The following CRYBG3 variants were observed in gnomAD, a reference collection of about 807,000 sequenced individuals.
CRYBG3 encodes crystallin beta-gamma domain containing 3.
A neutral mutation model predicts 244.2 loss-of-function variants in CRYBG3; 127 were observed. The observed-to-expected ratio is 0.52, with a 90% CI of 0.45 to 0.60. CRYBG3 has a LOEUF of 0.60. Ranked by LOEUF, CRYBG3 falls within the 20% of genes least tolerant of loss-of-function variation. CRYBG3 has a pLI of 0.00. For synonymous variants in CRYBG3, 1,132 were observed against 1,195.8 expected (o/e 0.95, Z 1.10); for missense variants, 3,325 against 3,442.5 (o/e 0.97, Z 0.85).
intron 1 of CRYBG3, among the ~76,000 whole-genome samples, chr3:97,827,339 A>G (rs2038591757): frequency 6.6e-6 from 1 of 152,200 alleles, no homozygotes; most frequent in African/African-American, 2.4e-5. Flanking sequence ...ACCCTCCCCA[A>G]CCTTCAAGTA....
At chr3:97,913,337 A>T (rs1367656652) in intron 16 of CRYBG3, among the ~76,000 whole-genome samples, 2 of 151,976 alleles carry the variant, frequency 1.3e-5, no homozygotes, top group Admixed American at 6.6e-5. Context: ...CTCCGTACCC[A>T]CTATACCAGG....
At chr3:97,885,319 TA>T (rs1456329483) in intron 7 of CRYBG3, among the ~76,000 whole-genome samples, 1 of 152,120 alleles carries the variant, frequency 6.6e-6, no homozygotes, top group African/African-American at 2.4e-5. Context: ...CAGACTATTA[TA>T]CTTTTAGAAT....
rs2039535509 is a variant in CRYBG3 at position 97,888,533 on chromosome 3, A to G, written c.7404+78A>G. Reference sequence around the variant, plus strand: ...AATTAAATAACCATGATGTTTGCTCATGCATCTCAATCTCAAGTGAATATG... The same window carrying G: ...AATTAAATAACCATGATGTTTGCTCGTGCATCTCAATCTCAAGTGAATATG... On this transcript the variant is annotated intron_variant, in intron 9 of 21. Transcript: ENST00000389622. The G allele has an allele frequency of 3.3e-6, 3 of 910,092 alleles. No individual in the cohort carries two copies. In the East Asian group the frequency reaches 7.6e-5, roughly 23 times the overall value. The allele number at this position is 910,092 out of a possible 1,614,324, so 56.4% of individuals were successfully genotyped here. A position where few individuals can be genotyped will look rare whatever the true frequency, so the allele number is the denominator to read the frequency against.
intron 1 of CRYBG3, among the ~76,000 whole-genome samples, chr3:97,823,097 AT>A (rs1298822635): frequency 6.6e-6 from 1 of 152,078 alleles, no homozygotes; most frequent in Admixed American, 6.5e-5. Context: ...TCTCTGTAAT[AT>A]TTTTATCTTT....
chr3:97,898,875 C>T lies in CRYBG3; in HGVS notation c.7702-8C>T, dbSNP rs371520171. On this transcript the variant is annotated splice_polypyrimidine_tract_variant and splice_region_variant and intron_variant, in intron 12 of 21. Transcript: ENST00000389622. Reference sequence around the variant, plus strand: ...TGTTTTCCTAAACTTTCCTCTTTCTCCTTTTAGAATTTTATAGAATCTTCT... The same window carrying T: ...TGTTTTCCTAAACTTTCCTCTTTCTTCTTTTAGAATTTTATAGAATCTTCT... 1 of 1,572,982 alleles carries T rather than the reference C, an allele frequency of 6.4e-7. No individual in the cohort carries two copies. The highest frequency in any genetic ancestry group is 8.6e-7 in the Non-Finnish European group (1 of 1,158,912).
chr3:97,936,279 C>T (rs1016325567), intron 18 of CRYBG3, among the ~76,000 whole-genome samples: 3 of 151,740 alleles, frequency 2.0e-5, no homozygotes, highest in Admixed American at 2.0e-4. Flanking sequence ...AGGAGCTGGG[C>T]CTTGAAGAGG....
At chr3:97,879,596 CACTA>C (rs2039422071) in intron 4 of CRYBG3, 104 bp from the exon 5 acceptor site, 3 of 702,490 alleles carry the variant, frequency 4.3e-6, no homozygotes, top group Admixed American at 3.0e-5. Context: ...TCATAATGAT[CACTA>C]ACTAAATATG....
intron 1 of CRYBG3, among the ~76,000 whole-genome samples, chr3:97,826,796 T>A (rs971949960): frequency 6.6e-6 from 1 of 152,208 alleles, no homozygotes; most frequent in African/African-American, 2.4e-5. Flanking sequence ...ATTCACACAT[T>A]AATGGAGGAG....
intron 1 of CRYBG3, among the ~76,000 whole-genome samples, chr3:97,830,035 C>T (rs1323768590): frequency 6.6e-6 from 1 of 152,116 alleles, no homozygotes; most frequent in Non-Finnish European, 1.5e-5. Flanking sequence ...TAGATGAGCA[C>T]TCAGCTATTT....
intron 15 of CRYBG3, among the ~76,000 whole-genome samples, chr3:97,906,144 G>A (rs1258573849): frequency 3.3e-5 from 5 of 149,576 alleles, no homozygotes; most frequent in Non-Finnish European, 7.4e-5. Flanking sequence ...TTTGGTTACT[G>A]TAGCCTTGTA....
At chr3:97,853,418 C>A (rs927916046) in intron 2 of CRYBG3, among the ~76,000 whole-genome samples, 5 of 151,484 alleles carry the variant, frequency 3.3e-5, no homozygotes, top group African/African-American at 1.2e-4. Flanking sequence ...CACACACACA[C>A]ACACACACAC....
At position 97,877,194 on chromosome 3, in the gene CRYBG3, T is replaced by C. The variant is rs1374279150; in HGVS notation, c.6000T>C (p.Thr2000=). The change falls in exon 4 of 22, where the codon ACT becomes ACC. Residue 2000 remains threonine, a synonymous_variant. Transcript: ENST00000389622. ...ATGAACAAGAAAATTCTTCCTTTACTATATTATACGAAGAGCCCCTTCAAG... is the reference window on the plus strand; with the variant it reads ...ATGAACAAGAAAATTCTTCCTTTACCATATTATACGAAGAGCCCCTTCAAG... The part of the protein sequence containing the change: ...SQDEQENSSF[T]ILYEEPLQEE... The C allele has an allele frequency of 3.7e-6, 6 of 1,613,884 alleles. No individual in the cohort carries two copies. Among genetic ancestry groups the C allele is most frequent in the Non-Finnish European group, 5.1e-6 (6 of 1,179,924 alleles).
intron 11 of CRYBG3, among the ~76,000 whole-genome samples, chr3:97,894,022 T>A (rs1381702797): frequency 6.6e-6 from 1 of 152,204 alleles, no homozygotes; most frequent in Non-Finnish European, 1.5e-5. Flanking sequence ...TCCTTCAATT[T>A]AAAAAATTTA....
intron 15 of CRYBG3, among the ~76,000 whole-genome samples, chr3:97,908,101 G>A (rs2039800294): frequency 6.6e-6 from 1 of 152,146 alleles, no homozygotes; most frequent in African/African-American, 2.4e-5. Flanking sequence ...ATTGCACTGT[G>A]GTCTGAGAGA....
At chr3:97,826,233 G>A (rs1379674055) in intron 1 of CRYBG3, among the ~76,000 whole-genome samples, 4 of 152,142 alleles carry the variant, frequency 2.6e-5, no homozygotes, top group Non-Finnish European at 4.4e-5. Flanking sequence ...GGTTCAATAA[G>A]GTGTCTACCA....
At chr3:97,840,953 T>C (rs1033738609) in intron 1 of CRYBG3, among the ~76,000 whole-genome samples, 3 of 151,946 alleles carry the variant, frequency 2.0e-5, no homozygotes, top group Admixed American at 6.6e-5. Context: ...TCACGTTTAC[T>C]TTAAAAAAAA....
At chr3:97,843,623 G>T (rs2038854513) in intron 2 of CRYBG3, among the ~76,000 whole-genome samples, 1 of 152,170 alleles carries the variant, frequency 6.6e-6, no homozygotes, top group African/African-American at 2.4e-5. Context: ...TGAGTTTTCT[G>T]AAATGTTGCA....
chr3:97,897,866 A>G (rs9817948), intron 12 of CRYBG3, among the ~76,000 whole-genome samples: 69,636 of 151,980 alleles, frequency 0.46, 16,796 homozygotes, highest in East Asian at 0.67. Context: ...TAGATGTTTA[A>G]TCTTGTTTCC....
At position 97,876,664 on chromosome 3, in the gene CRYBG3, G is replaced by A. The variant is rs1576538812; in HGVS notation, c.5470G>A (p.Ala1824Thr). ...ACCTGCCCCCTTAGAAATGGAAAAA[G>A]CATGCAAGAGAGATGTTAAAGAGAC... ...TAPAPLEMEKACKRDVKETIG... is the reference protein window; with the variant it reads ...TAPAPLEMEKTCKRDVKETIG... Residue 1824 changes from alanine (A) to threonine (T), a missense_variant, in exon 4 of 22, where the codon GCA (alanine) becomes ACA (threonine). Ala to Thr is a moderately conservative substitution (Grantham distance 58). This residue lies in a region of CRYBG3 where 635 missense variants were observed against 771.7 expected (regional missense o/e 0.82). Coordinates refer to ENST00000389622, the MANE Select transcript of CRYBG3 (RefSeq NM_153605.4). 2.4e-6 allele frequency: 3 copies of A among 1,236,222 alleles called. No homozygotes were observed. Among genetic ancestry groups the A allele is most frequent in the Non-Finnish European group, 3.0e-6 (3 of 990,732 alleles). 76.6% of individuals were successfully genotyped at this position (1,236,222 alleles called of 1,614,324 possible).
Sources: allele counts gnomAD v4.1 joint callset (sites outside exome capture counted in the v4.1 genomes callset), GRCh38; gene constraint gnomAD v4.1.1; regional missense constraint gnomAD v4.1.1; transcripts MANE v1.5; gene names NCBI Gene and HGNC (gene_info 2026-07-23, HGNC 2026-07-21).